Variants in HDHD2 observed in about 807,000 individuals in gnomAD.
HDHD2 encodes haloacid dehalogenase like hydrolase domain containing 2, also known as haloacid dehalogenase-like hydrolase domain-containing protein 2.
Under a neutral mutation model 24.8 loss-of-function variants are expected in HDHD2, and 26 were observed. The ratio of observed to expected loss-of-function variants is 1.05; its 90% confidence interval spans 0.77 to 1.45. The LOEUF (loss-of-function observed/expected upper bound fraction) is 1.45. Among genes scored for constraint, HDHD2 ranks in the 40% most tolerant of loss-of-function variants. The probability of loss-of-function intolerance (pLI) is 0.00; values close to 1 mark genes in which losing one functional copy is unlikely to be tolerated. For missense variants in HDHD2, 299 were observed against 313.4 expected (o/e 0.95, Z 0.35); for synonymous variants, 128 against 114.9 (o/e 1.11, Z -0.73).
At chr18:47,128,020 T>C (rs561617636) in intron 4 of HDHD2, among the ~76,000 whole-genome samples, 1 of 151,048 alleles carries the variant, frequency 6.6e-6, no homozygotes, top group South Asian at 2.1e-4. Flanking sequence ...CAGTCATTGG[T>C]TGGAAGGCAG....
intron 1 of HDHD2, 110 bp downstream of exon 1, chr18:47,150,268 G>A (rs80106524): frequency 0.053 from 8,011 of 152,482 alleles, 259 homozygotes; most frequent in East Asian, 0.092. Context: ...GGCTCGAGAG[G>A]AGGGGCGGCC....
chr18:47,147,498 C>T (rs184885301), intron 1 of HDHD2, among the ~76,000 whole-genome samples: 65 of 152,022 alleles, frequency 4.3e-4, no homozygotes, highest in African/African-American at 1.5e-3. Flanking sequence ...AAAGAATGGA[C>T]CAAAAAAAGG....
At chr18:47,145,235 A>C (rs968659112) in intron 1 of HDHD2, among the ~76,000 whole-genome samples, 7 of 152,250 alleles carry the variant, frequency 4.6e-5, no homozygotes, top group Non-Finnish European at 8.8e-5. Flanking sequence ...TCAATATCCC[A>C]AAAAGTGTCT....
chr18:47,145,937 A>G (rs1251130041), intron 1 of HDHD2, among the ~76,000 whole-genome samples: 3 of 152,204 alleles, frequency 2.0e-5, no homozygotes, highest in Non-Finnish European at 4.4e-5. Flanking sequence ...AGCCTTTACA[A>G]AAGAGCAAAT....
At chr18:47,149,620 T>C (rs1390301817) in intron 1 of HDHD2, among the ~76,000 whole-genome samples, 3 of 152,146 alleles carry the variant, frequency 2.0e-5, no homozygotes, top group Non-Finnish European at 2.9e-5. Context: ...GCGGGACTTT[T>C]GTCTGCAACT....
At chr18:47,111,090 T>C (rs2063512242) in intron 6 of HDHD2, 1 of 985,286 alleles carries the variant, frequency 1.0e-6, no homozygotes, top group Non-Finnish European at 1.2e-6. Flanking sequence ...ACAGTAGGGT[T>C]ATTCATGATT....
chr18:47,149,298 C>A (rs1316535203), intron 1 of HDHD2, among the ~76,000 whole-genome samples: 2 of 152,160 alleles, frequency 1.3e-5, no homozygotes, highest in Non-Finnish European at 2.9e-5. Flanking sequence ...TACAAATTTT[C>A]CCTTGGGAAA....
intron 5 of HDHD2, 48 bp from the exon 6 acceptor site, chr18:47,113,088 A>G (rs2063528950): frequency 6.6e-7 from 1 of 1,517,226 alleles, no homozygotes; most frequent in Non-Finnish European, 9.2e-7. Context: ...TCAGTAAGCT[A>G]GCCAACAAAC....
At chr18:47,132,530 T>C (rs746238405) in intron 3 of HDHD2, among the ~76,000 whole-genome samples, 11 of 152,270 alleles carry the variant, frequency 7.2e-5, no homozygotes, top group East Asian at 1.9e-4. Context: ...TGTCATTTTA[T>C]ATTCCTGTCA....
Position 47,136,372 on chromosome 18 carries a change from G to A in HDHD2, c.68C>T (p.Ala23Val). 1 of 1,612,782 alleles carries A rather than the reference G, an allele frequency of 6.2e-7. No homozygotes were observed. Among genetic ancestry groups the A allele is most frequent in the Non-Finnish European group, 8.5e-7 (1 of 1,179,306 alleles). Residue 23 changes from alanine (A) to valine (V), a missense_variant, in exon 2 of 7, where the codon GCA (alanine) becomes GTA (valine). Ala to Val is a moderately conservative substitution (Grantham distance 64). Transcript: ENST00000300605. ...AGCTTCCTGTGCGCCTGGCACAGCT[G>A]CATCTTCAATGTGAAGTGTGCCACT... ...DLSGTLHIED[A>V]AVPGAQEALK...
At chr18:47,127,710 C>CAAAAA (rs1235418525) in intron 4 of HDHD2, among the ~76,000 whole-genome samples, 1 of 62,486 alleles carries the variant, frequency 1.6e-5, no homozygotes, top group Non-Finnish European at 3.6e-5. Flanking sequence ...GACTTGGTCT[C>CAAAAA]AAAAAAAAAA....
intron 4 of HDHD2, among the ~76,000 whole-genome samples, chr18:47,120,116 G>A (rs552758022): frequency 6.6e-6 from 1 of 152,280 alleles, no homozygotes; most frequent in East Asian, 1.9e-4. Context: ...AGCTGCATTA[G>A]CCCCTAACAA....
intron 6 of HDHD2, chr18:47,110,417 A>G: frequency 6.1e-6 from 6 of 985,256 alleles, no homozygotes; most frequent in Non-Finnish European, 6.0e-6. Flanking sequence ...TCGTTAGTAT[A>G]AACTCCTTCA....
intron 1 of HDHD2, among the ~76,000 whole-genome samples, chr18:47,148,143 A>G (rs2063892099): frequency 6.6e-6 from 1 of 151,964 alleles, no homozygotes. Context: ...GGTGTGCACC[A>G]CCACGCCCAC....
rs748697271 is a variant in HDHD2 at position 47,136,385 on chromosome 18, G to C, written c.55C>G (p.His19Asp). Residue 19 changes from histidine to aspartate, a missense_variant, in exon 2 of 7, where the codon CAC (histidine) becomes GAC (aspartate). His to Asp is a moderately conservative substitution (Grantham distance 81). Transcript: ENST00000300605. ...CCTGGCACAGCTGCATCTTCAATGT[G>C]AAGTGTGCCACTGAGATCTACCAAA... ...AVLVDLSGTL[H>D]IEDAAVPGAQ... The C allele has an allele frequency of 6.2e-7, 1 of 1,612,880 alleles. No homozygotes were observed. Among genetic ancestry groups the C allele is most frequent in the Admixed American group, 1.7e-5 (1 of 59,986 alleles).
At chr18:47,141,512 C>G (rs932092390) in intron 1 of HDHD2, among the ~76,000 whole-genome samples, 1 of 152,140 alleles carries the variant, frequency 6.6e-6, no homozygotes, top group Non-Finnish European at 1.5e-5. Flanking sequence ...GGAGTGTCCT[C>G]ATATATTATT....
rs770243652 is a variant in HDHD2, at chr18:47,134,551, C to T, written c.255G>A (p.Arg85=). 7.4e-6 allele frequency: 12 copies of T among 1,614,152 alleles called. No individual in the cohort carries two copies. The South Asian group carries it at 1.2e-4, about 16-fold the overall frequency. Residue 85 remains arginine (R), a synonymous_variant, in exon 3 of 7, where the codon CGG becomes CGA. Coordinates refer to ENST00000300605, the MANE Select transcript of HDHD2 (RefSeq NM_032124.5). ...SLTAARSLLE[R]KQVRPMLLVD... ...CTAGCAGCATGGGTCTGACTTGTTT[C>T]CGCTCTAGTAAACTTCTGGCTGCAG...
In HDHD2 at chr18:47,110,300, A is replaced by C. The variant is rs2063505265; in HGVS notation, c.677-1515T>G. On this transcript the variant is annotated intron_variant, in intron 6 of 6. Coordinates refer to ENST00000300605, the MANE Select transcript of HDHD2 (RefSeq NM_032124.5). ...GAAGGGAGCCAGCATCAAATGTACA[A>C]AGGTAATTAATATATACCTCACTCT... is the stretch of plus-strand genomic sequence containing the variant. The C allele has an allele frequency of 1.1e-5, 11 of 985,180 alleles. No individual in the cohort carries two copies. The South Asian group carries it at 1.9e-4, about 17-fold the overall frequency. The allele number at this position is 985,180 out of a possible 1,614,324, so 61.0% of individuals were successfully genotyped here.
At chr18:47,139,360 G>A (rs563912928) in intron 1 of HDHD2, among the ~76,000 whole-genome samples, 1 of 150,656 alleles carries the variant, frequency 6.6e-6, no homozygotes, top group South Asian at 2.1e-4. Context: ...AGCTACTCAG[G>A]AGGCTGAGGC....
Sources: allele counts gnomAD v4.1 joint callset (sites outside exome capture counted in the v4.1 genomes callset), GRCh38; gene constraint gnomAD v4.1.1; transcripts MANE v1.5; gene names NCBI Gene and HGNC (gene_info 2026-07-23, HGNC 2026-07-21).